Variants in SYNE2 observed in about 807,000 individuals in gnomAD.
The protein encoded by SYNE2 is spectrin repeat containing nuclear envelope protein 2.
A neutral mutation model predicts 856.3 loss-of-function variants in SYNE2; 431 were observed. The ratio of observed to expected loss-of-function variants is 0.50; its 90% CI spans 0.47 to 0.55. The LOEUF (loss-of-function observed/expected upper bound fraction) is 0.55, where lower values mean the gene tolerates loss of function less well. Among genes scored for constraint, SYNE2 ranks in the 20% least tolerant of loss-of-function variants. The pLI, the probability that SYNE2 is intolerant of heterozygous loss-of-function variation, is 0.00. For missense variants in SYNE2, 8,129 were observed against 8,023.2 expected, an observed-to-expected ratio of 1.01 and a Z score of -0.50; for synonymous variants, 2,923 against 2,872.3, an observed-to-expected ratio of 1.02 and a Z score of -0.56.
chr14:63,802,110 C>A (rs964561725), intron 1 of SYNE2, among the ~76,000 whole-genome samples: 3 of 149,648 alleles, frequency 2.0e-5, no homozygotes, highest in African/African-American at 4.9e-5. Flanking sequence ...GTTGTTGTTA[C>A]TATTATTATT....
At chr14:63,812,195 C>G (rs929368559) in intron 1 of SYNE2, among the ~76,000 whole-genome samples, 1 of 152,116 alleles carries the variant, frequency 6.6e-6, no homozygotes, top group Non-Finnish European at 1.5e-5. Flanking sequence ...TAGACCTCCC[C>G]CCAGGAATGC....
intron 1 of SYNE2, among the ~76,000 whole-genome samples, chr14:63,809,602 C>T (rs1285309157): frequency 2.0e-5 from 3 of 152,158 alleles, no homozygotes; most frequent in Non-Finnish European, 4.4e-5. Context: ...CAGGCTCCAG[C>T]GATGCTCCTG....
At chr14:63,901,671 T>C (rs2095338483) in intron 1 of SYNE2, among the ~76,000 whole-genome samples, 2 of 152,238 alleles carry the variant, frequency 1.3e-5, no homozygotes, top group Admixed American at 1.3e-4. Context: ...ACATCTGTAA[T>C]CCCAGGACTT....
At position 64,167,403 on chromosome 14, in the gene SYNE2, C is replaced by T; in HGVS notation, c.16760+16C>T. The T allele has an allele frequency of 6.2e-7, 1 of 1,614,248 alleles. No homozygotes were observed. The highest frequency in any genetic ancestry group is 1.1e-5 in the South Asian group (1 of 91,086). ...AGCGCTGCAGGTTAGAACATCCCTT[C>T]TCTGTCGTTGTTTCAATTAAGGTAA... On this transcript the variant is annotated intron_variant, in intron 91 of 115. Transcript: ENST00000555002.
intron 102 of SYNE2, 26 bp from the exon 103 acceptor site, chr14:64,209,916 G>A (rs769619325): frequency 1.9e-6 from 3 of 1,613,974 alleles, no homozygotes; most frequent in Non-Finnish European, 2.5e-6. Context: ...GCATGCTTTG[G>A]CTCTGACCCC....
chr14:63,771,188 G>A (rs1055159962), intron 1 of SYNE2, among the ~76,000 whole-genome samples: 1 of 149,770 alleles, frequency 6.7e-6, no homozygotes, highest in Admixed American at 6.8e-5. Flanking sequence ...TCCTGCCTCA[G>A]CCTCCCGAGT....
At chr14:63,782,090 A>C (rs1202584044) in intron 1 of SYNE2, among the ~76,000 whole-genome samples, 2 of 151,342 alleles carry the variant, frequency 1.3e-5, no homozygotes, top group Non-Finnish European at 2.9e-5. Flanking sequence ...AGCCATGTTC[A>C]TGCCACTGCA....
intron 1 of SYNE2, among the ~76,000 whole-genome samples, chr14:63,847,122 T>G (rs1021295659): frequency 6.6e-6 from 1 of 150,950 alleles, no homozygotes; most frequent in African/African-American, 2.4e-5. Context: ...GCACCCAGCT[T>G]ATTATATTAT....
At chr14:63,960,493 G>T (rs2096295881) in intron 8 of SYNE2, among the ~76,000 whole-genome samples, 1 of 152,092 alleles carries the variant, frequency 6.6e-6, no homozygotes, top group African/African-American at 2.4e-5. Flanking sequence ...ATCTCCAAAG[G>T]CATGGACCAT....
chr14:63,990,340 G>A, intron 19 of SYNE2, 71 bp from the exon 20 acceptor site: 3 of 1,497,600 alleles, frequency 2.0e-6, no homozygotes, highest in Admixed American at 3.7e-5. Context: ...GGTTTCCTGA[G>A]ATTGTTTTGA....
In SYNE2 at chr14:63,765,060, G is replaced by A. The variant is rs534296777; in HGVS notation, c.-305+3074G>A. On this transcript the variant is annotated intron_variant, in intron 1 of 23. Transcript: ENST00000674003. Reference sequence around the variant, plus strand: ...CAGGAGCTACAGCCAGGGGGTCAAGGAGGAGCAGGAGCCCCTGAGGAAGGG... The same window carrying A: ...CAGGAGCTACAGCCAGGGGGTCAAGAAGGAGCAGGAGCCCCTGAGGAAGGG... 4.6e-5 allele frequency among the ~76,000 whole-genome samples: 7 copies of A among 152,286 alleles called. 1 individual carries two copies. In the South Asian group the frequency reaches 1.5e-3, roughly 32 times the overall value.
At chr14:63,839,519 G>A (rs1169447550) in intron 1 of SYNE2, among the ~76,000 whole-genome samples, 1 of 151,892 alleles carries the variant, frequency 6.6e-6, no homozygotes, top group African/African-American at 2.4e-5. Flanking sequence ...TTTTTGTACT[G>A]ATTTATAAAA....
At chr14:63,873,405 G>GT (rs951475156) in intron 1 of SYNE2, 15 of 149,148 alleles carry the variant, frequency 1.0e-4, no homozygotes, top group Middle Eastern at 3.2e-3. Context: ...TTTGTTTTTT[G>GT]TTTTTTTTTA....
At chr14:63,795,479 CTTAATAG>C (rs1366256376) in intron 1 of SYNE2, among the ~76,000 whole-genome samples, 4 of 152,014 alleles carry the variant, frequency 2.6e-5, no homozygotes, top group East Asian at 1.9e-4. Context: ...TGAGTTAATA[CTTAATAG>C]TTAATACTTA....
At chr14:64,199,531 A>G (rs2098552709) in intron 99 of SYNE2, among the ~76,000 whole-genome samples, 1 of 152,204 alleles carries the variant, frequency 6.6e-6, no homozygotes, top group African/African-American at 2.4e-5. Flanking sequence ...CAGCCTGGCC[A>G]ACATGGGGAA....
At chr14:64,046,754 G>A (rs1187142701) in intron 45 of SYNE2, among the ~76,000 whole-genome samples, 1 of 152,186 alleles carries the variant, frequency 6.6e-6, no homozygotes, top group Admixed American at 6.5e-5. Flanking sequence ...ACCCCTTGCT[G>A]GAGGGAGCAC....
At chr14:63,973,008 A>C (rs2096491792) in intron 11 of SYNE2, among the ~76,000 whole-genome samples, 1 of 152,206 alleles carries the variant, frequency 6.6e-6, no homozygotes, top group South Asian at 2.1e-4. Context: ...TAATCCCAGC[A>C]CTTTGGGAGG....
At chr14:63,929,510 C>T (rs897952491) in intron 2 of SYNE2, among the ~76,000 whole-genome samples, 7 of 152,120 alleles carry the variant, frequency 4.6e-5, no homozygotes, top group African/African-American at 7.2e-5. Context: ...GTGGCTCATG[C>T]CTATAATCCC....
intron 1 of SYNE2, among the ~76,000 whole-genome samples, chr14:63,871,309 G>A (rs1026673270): frequency 2.6e-5 from 4 of 151,794 alleles, no homozygotes; most frequent in East Asian, 3.9e-4. Context: ...GGGTTCAAGC[G>A]ATTCTCCTGC....
Sources: gnomAD v4.1 joint callset for allele counts (sites outside exome capture counted in the v4.1 genomes callset) on GRCh38, gnomAD v4.1.1 for gene constraint, MANE v1.5 for transcripts, NCBI Gene and HGNC (gene_info 2026-07-23, HGNC 2026-07-21) for gene names.